RNF144A: variants seen among roughly 807,000 people sequenced by gnomAD.
RNF144A encodes the protein ring finger protein 144A.
Under a neutral mutation model 38.7 loss-of-function variants are expected in RNF144A, and 11 were observed. That is an observed-to-expected ratio of 0.28 (90% confidence interval 0.18 to 0.47). The LOEUF is 0.47. RNF144A is among the 20% of genes least tolerant of loss of function. The pLI is 0.99. For synonymous variants in RNF144A, 149 were observed against 143.9 expected (o/e 1.04, Z -0.25); for missense variants, 316 against 377.2 (o/e 0.84, Z 1.34).
intron 2 of RNF144A, among the ~76,000 whole-genome samples, chr2:6,979,245 G>A (rs1027520048): frequency 6.6e-6 from 1 of 152,184 alleles, no homozygotes; most frequent in Non-Finnish European, 1.5e-5. Context: ...AAGGCTGTAG[G>A]GATCACGTGG....
intron 2 of RNF144A, among the ~76,000 whole-genome samples, chr2:6,996,181 C>G (rs1669724878): frequency 6.6e-6 from 1 of 152,204 alleles, no homozygotes; most frequent in Non-Finnish European, 1.5e-5. Flanking sequence ...CAAGCCTCAC[C>G]ACCCCCACCA....
In RNF144A at chr2:7,042,883, T is replaced by C. The variant is rs1194567965; in HGVS notation, c.*3123T>C. ...GCATTTTCTTTCTTTTTTTTTCTTT[T>C]TGAGACGGAGTTTCGCTTTTGTCCC... On this transcript the variant is annotated 3_prime_UTR_variant, in exon 9 of 9. Coordinates refer to ENST00000320892, the MANE Select transcript of RNF144A (RefSeq NM_014746.6). The C allele has an allele frequency of 2.3e-5, 23 of 983,794 alleles. No individual in the cohort carries two copies. Among genetic ancestry groups the C allele is most frequent in the Non-Finnish European group, 2.8e-5 (23 of 828,536 alleles). 60.9% of individuals were successfully genotyped at this position (983,794 alleles called of 1,614,324 possible). A position where few individuals can be genotyped will look rare whatever the true frequency, so the allele number is the denominator to read the frequency against.
rs1037181146 is a variant in RNF144A, at chr2:6,991,611, A to G, written c.-11-5305A>G. 7.9e-5 allele frequency among the ~76,000 whole-genome samples: 12 copies of G among 152,304 alleles called. 1 individual carries two copies. The South Asian group carries it at 1.7e-3, about 21-fold the overall frequency. ...ATAGCCCTGTATGTTTGTGCAGGTT[A>G]CCCTAATCCTCTCCGAACCTTGGTT... On this transcript the variant is annotated intron_variant, in intron 2 of 8. Transcript: ENST00000320892.
chr2:7,044,520 G>A (rs759219162), downstream of RNF144A, among the ~76,000 whole-genome samples: 2 of 152,172 alleles, frequency 1.3e-5, no homozygotes, highest in Non-Finnish European at 2.9e-5. Flanking sequence ...TCCCCACTCA[G>A]GGCGCTCTGC....
At chr2:6,969,923 G>A (rs1459346478) in intron 2 of RNF144A, among the ~76,000 whole-genome samples, 3 of 152,074 alleles carry the variant, frequency 2.0e-5, no homozygotes, top group East Asian at 3.9e-4. Flanking sequence ...TGCCACGCCC[G>A]GCTAATTTTT....
chr2:7,044,041 T>A lies in RNF144A; in HGVS notation c.*4281T>A. ...CCTTTTAATGTTGTGTTTTGTACTC[T>A]GGAATCATATGGAAAAAGTTTGATT... On this transcript the variant is annotated 3_prime_UTR_variant, in exon 9 of 9. Transcript: ENST00000320892. 3 of 985,880 alleles carry A rather than the reference T, an allele frequency of 3.0e-6. No individual in the cohort carries two copies. The highest frequency in any genetic ancestry group is 3.6e-6 in the Non-Finnish European group (3 of 829,910). 61.1% of individuals were successfully genotyped at this position (985,880 alleles called of 1,614,324 possible).
chr2:6,940,047 T>G (rs998340310), intron 1 of RNF144A, among the ~76,000 whole-genome samples: 10 of 152,188 alleles, frequency 6.6e-5, no homozygotes, highest in Non-Finnish European at 2.9e-5. Context: ...TCTCTTGGAT[T>G]TCTGTGTGAA....
chr2:6,947,767 G>A (rs530085385), intron 2 of RNF144A, among the ~76,000 whole-genome samples: 1 of 152,330 alleles, frequency 6.6e-6, no homozygotes, highest in African/African-American at 2.4e-5. Flanking sequence ...GCCAATGAGA[G>A]GGTCTGTGGG....
chr2:7,009,530 T>TC (rs997816866), intron 3 of RNF144A, among the ~76,000 whole-genome samples: 6 of 149,616 alleles, frequency 4.0e-5, no homozygotes, highest in Admixed American at 1.3e-4. Context: ...GTCTGGGGCT[T>TC]TTTTTTTTTC....
chr2:6,988,565 C>A (rs1669104573), intron 2 of RNF144A, among the ~76,000 whole-genome samples: 1 of 152,150 alleles, frequency 6.6e-6, no homozygotes, highest in South Asian at 2.1e-4. Context: ...AGAGGTGAAA[C>A]CTTATTCTCA....
chr2:7,024,278 G>GAAGT (rs1178458206), intron 6 of RNF144A, 91 bp from the exon 7 acceptor site: 2 of 1,154,006 alleles, frequency 1.7e-6, no homozygotes, highest in African/African-American at 3.1e-5. Context: ...CTCAGTCTGT[G>GAAGT]AAGTGGAGCC....
At chr2:6,945,453 T>C (rs575831047) in intron 2 of RNF144A, among the ~76,000 whole-genome samples, 18 of 152,330 alleles carry the variant, frequency 1.2e-4, no homozygotes, top group Non-Finnish European at 2.5e-4. Flanking sequence ...CTCTAGGCTA[T>C]GATGTTAAGT....
At chr2:7,024,805 G>A (rs369398256) in intron 7 of RNF144A, among the ~76,000 whole-genome samples, 44 of 152,292 alleles carry the variant, frequency 2.9e-4, no homozygotes, top group Middle Eastern at 3.4e-3. Flanking sequence ...TTGTCTAAGC[G>A]GGGACTGTCA....
chr2:7,002,826 A>C (rs1389357097), intron 3 of RNF144A, among the ~76,000 whole-genome samples: 3 of 152,180 alleles, frequency 2.0e-5, no homozygotes, highest in African/African-American at 7.2e-5. Flanking sequence ...CATCAGAAGA[A>C]GGCATTGTTG....
intron 5 of RNF144A, among the ~76,000 whole-genome samples, chr2:7,019,933 G>T (rs1432871191): frequency 1.3e-5 from 2 of 152,208 alleles, no homozygotes; most frequent in Admixed American, 6.5e-5. Context: ...TCTTAGGCAG[G>T]TGAACCATTT....
At chr2:7,076,137 A>G in the RNF144A span, among the ~76,000 whole-genome samples, 2 of 151,470 alleles carry the variant, frequency 1.3e-5, no homozygotes, top group African/African-American at 4.9e-5. Flanking sequence ...CATGCTTAAA[A>G]CTCCAAGCCC....
intron 2 of RNF144A, among the ~76,000 whole-genome samples, chr2:6,967,823 T>C (rs1282911732): frequency 2.0e-5 from 3 of 152,190 alleles, no homozygotes; most frequent in Non-Finnish European, 2.9e-5. Context: ...TTTTTTTTAA[T>C]GTGTAAAATG....
At chr2:7,012,689 G>A (rs1158662675) in intron 3 of RNF144A, among the ~76,000 whole-genome samples, 1 of 152,224 alleles carries the variant, frequency 6.6e-6, no homozygotes, top group African/African-American at 2.4e-5. Context: ...GGCTGGGTGT[G>A]ACTCCTCTCT....
At chr2:7,072,436 G>A (rs1674517343), downstream of RNF144A, among the ~76,000 whole-genome samples, 1 of 152,190 alleles carries the variant, frequency 6.6e-6, no homozygotes. Context: ...GAACTGTTAA[G>A]CAAAGAGAAG....
Sources: gnomAD v4.1 joint callset for allele counts (sites outside exome capture counted in the v4.1 genomes callset) on GRCh38, gnomAD v4.1.1 for gene constraint, MANE v1.5 for transcripts, NCBI Gene and HGNC (gene_info 2026-07-23, HGNC 2026-07-21) for gene names.